NFKB1: variants seen among roughly 807,000 people sequenced by gnomAD.
NFKB1 encodes nuclear factor kappa B subunit 1.
NFKB1 carries 9 observed loss-of-function variants against 105.1 expected under a neutral mutation model. That is an observed-to-expected ratio of 0.09 (90% CI 0.05 to 0.15). The LOEUF (loss-of-function observed/expected upper bound fraction) is 0.15, where lower values mean the gene tolerates loss of function less well. NFKB1 is among the 10% of genes least tolerant of loss of function. NFKB1 has a pLI of 1.00. For missense variants in NFKB1, 830 were observed against 1,203.7 expected (o/e 0.69, Z 4.59); for synonymous variants, 440 against 442.2 (o/e 1.00, Z 0.06).
chr4:102,607,605 A>G (rs1253308170), intron 18 of NFKB1, 44 bp from the exon 19 acceptor site: 2 of 1,597,332 alleles, frequency 1.3e-6, no homozygotes, highest in Non-Finnish European at 1.7e-6. Context: ...CAAAAGGGCA[A>G]AAGAACCTTC....
intron 1 of NFKB1, among the ~76,000 whole-genome samples, chr4:102,518,764 A>G (rs1172657490): frequency 6.6e-6 from 1 of 151,900 alleles, no homozygotes; most frequent in Non-Finnish European, 1.5e-5. Flanking sequence ...TGTTTGTCTG[A>G]AGTTGTTTTG....
intron 23 of NFKB1, among the ~76,000 whole-genome samples, chr4:102,614,621 T>C (rs1191037487): frequency 6.6e-6 from 1 of 152,070 alleles, no homozygotes; most frequent in Non-Finnish European, 1.5e-5. Context: ...CCACCAGGCC[T>C]GCTGTCCTCA....
chr4:102,551,687 G>A (rs1266620051), intron 5 of NFKB1, among the ~76,000 whole-genome samples: 1 of 152,114 alleles, frequency 6.6e-6, no homozygotes, highest in East Asian at 1.9e-4. Context: ...ATGTCAACCT[G>A]AAGAGATATT....
intron 5 of NFKB1, among the ~76,000 whole-genome samples, chr4:102,562,243 C>T (rs1329180951): frequency 1.3e-5 from 2 of 151,918 alleles, no homozygotes; most frequent in Non-Finnish European, 2.9e-5. Context: ...TTTCAGATCT[C>T]CACCCTCAGT....
chr4:102,531,405 T>C (rs1741280323), intron 3 of NFKB1, among the ~76,000 whole-genome samples: 1 of 152,218 alleles, frequency 6.6e-6, no homozygotes, highest in Non-Finnish European at 1.5e-5. Context: ...ACAATTTTTA[T>C]AGTCCAAGAT....
intron 1 of NFKB1, among the ~76,000 whole-genome samples, chr4:102,507,152 A>C (rs1481264492): frequency 6.6e-6 from 1 of 151,838 alleles, no homozygotes. Flanking sequence ...TAAAGCCGTC[A>C]TTGTTGAAAA....
chr4:102,538,226 T>C (rs1741765506), intron 5 of NFKB1, among the ~76,000 whole-genome samples: 1 of 152,152 alleles, frequency 6.6e-6, no homozygotes, highest in Non-Finnish European at 1.5e-5. Context: ...TTTTTAAAAA[T>C]TGGATACTTC....
intron 5 of NFKB1, among the ~76,000 whole-genome samples, chr4:102,541,369 A>G (rs1420158150): frequency 1.3e-5 from 2 of 152,204 alleles, no homozygotes; most frequent in East Asian, 3.8e-4. Context: ...TTTCTTGGTT[A>G]TTAGTAGATA....
At chr4:102,610,392 T>G (rs1728284859) in intron 19 of NFKB1, among the ~76,000 whole-genome samples, 183 bp from the exon 20 acceptor site, 1 of 152,236 alleles carries the variant, frequency 6.6e-6, no homozygotes, top group African/African-American at 2.4e-5. Flanking sequence ...ACAATCAAAG[T>G]AAATTACAAT....
intron 5 of NFKB1, among the ~76,000 whole-genome samples, chr4:102,555,820 G>T (rs774586234): frequency 3.3e-5 from 5 of 152,208 alleles, no homozygotes; most frequent in Non-Finnish European, 7.3e-5. Flanking sequence ...TATGTTTTTA[G>T]AAAATGGGTA....
At chr4:102,547,063 A>T (rs1412338606) in intron 5 of NFKB1, among the ~76,000 whole-genome samples, 1 of 152,182 alleles carries the variant, frequency 6.6e-6, no homozygotes, top group Non-Finnish European at 1.5e-5. Context: ...AAAATTAGAA[A>T]ATATGTATGC....
intron 5 of NFKB1, among the ~76,000 whole-genome samples, chr4:102,539,236 C>CA (rs550342036): frequency 0.58 from 55,613 of 95,104 alleles, 15,045 homozygotes; most frequent in South Asian, 0.69. Context: ...GACTCTGTCT[C>CA]AAAAAAAAAA....
At chr4:102,568,481 G>T (rs1046459179) in intron 6 of NFKB1, among the ~76,000 whole-genome samples, 8 of 152,090 alleles carry the variant, frequency 5.3e-5, no homozygotes, top group Non-Finnish European at 1.2e-4. Context: ...TGAAATGCAG[G>T]CTAATTATCA....
At chr4:102,556,703 A>G (rs1723012706) in intron 5 of NFKB1, among the ~76,000 whole-genome samples, 2 of 152,140 alleles carry the variant, frequency 1.3e-5, no homozygotes, top group Non-Finnish European at 2.9e-5. Context: ...GTAATTAGAG[A>G]TTTTCTTATG....
chr4:102,596,181 C>T lies in NFKB1; in HGVS notation c.1344C>T (p.Asp448=), dbSNP rs1363157985. The T allele has an allele frequency of 3.1e-6, 5 of 1,611,656 alleles. No homozygotes were observed. The highest frequency in any genetic ancestry group is 3.3e-5 in the Admixed American group (2 of 59,874). Residue 448 remains aspartate, a synonymous_variant, in exon 14 of 24, where the codon GAC becomes GAT. Transcript: ENST00000226574. ...CTAAAAAGGACCCTGAAGGTTGTGACAAAAGTGATGACAAAAACACTGTAA... is the reference window on the plus strand; with the variant it reads ...CTAAAAAGGACCCTGAAGGTTGTGATAAAAGTGATGACAAAAACACTGTAA... ...TESKKDPEGC[D]KSDDKNTVNL...
At chr4:102,550,195 G>A (rs1262315031) in intron 5 of NFKB1, among the ~76,000 whole-genome samples, 8 of 151,992 alleles carry the variant, frequency 5.3e-5, no homozygotes, top group Admixed American at 5.3e-4. Context: ...CTTGGCCAGT[G>A]GGAGTCTTTC....
At chr4:102,577,884 A>G in intron 7 of NFKB1, 2 of 985,112 alleles carry the variant, frequency 2.0e-6, no homozygotes, top group Non-Finnish European at 2.4e-6. Flanking sequence ...ACTTCTAATC[A>G]AGTTTACATC....
At chr4:102,610,500 G>A in intron 19 of NFKB1, 75 bp from the exon 20 acceptor site, 1 of 1,535,476 alleles carries the variant, frequency 6.5e-7, no homozygotes, top group Non-Finnish European at 8.9e-7. Context: ...TTGCCTTTGG[G>A]AATCTGACCT....
At chr4:102,609,117 C>T (rs549752624) in intron 19 of NFKB1, among the ~76,000 whole-genome samples, 115 of 122,874 alleles carry the variant, frequency 9.4e-4, no homozygotes, top group African/African-American at 3.1e-3. Context: ...TTCACCACTG[C>T]ACTCCAGCCT....
Sources: allele counts gnomAD v4.1 joint callset (sites outside exome capture counted in the v4.1 genomes callset), GRCh38; gene constraint gnomAD v4.1.1; transcripts MANE v1.5; gene names NCBI Gene and HGNC (gene_info 2026-07-23, HGNC 2026-07-21).